RGS7: variants seen among roughly 807,000 people sequenced by gnomAD.
The protein encoded by RGS7 is regulator of G-protein signaling 7.
RGS7 carries 27 observed loss-of-function variants against 81.1 expected under a neutral mutation model. The ratio of observed to expected loss-of-function variants is 0.33; its 90% CI spans 0.25 to 0.46. RGS7 has a LOEUF of 0.46. RGS7 is among the 20% of genes least tolerant of loss of function. The probability of loss-of-function intolerance (pLI) is 1.00; values close to 1 mark genes in which losing one functional copy is unlikely to be tolerated. For missense variants in RGS7, 396 were observed against 607.4 expected (o/e 0.65, Z 3.66); for synonymous variants, 208 against 207.7 (o/e 1.00, Z -0.01).
At chr1:240,935,689 CT>C (rs1247432966) in intron 5 of RGS7, among the ~76,000 whole-genome samples, 1 of 152,190 alleles carries the variant, frequency 6.6e-6, no homozygotes, top group Non-Finnish European at 1.5e-5. Flanking sequence ...CATATTTCCT[CT>C]TTGTTCTCAG....
intron 2 of RGS7, among the ~76,000 whole-genome samples, chr1:241,198,199 G>A (rs2073226254): frequency 6.6e-6 from 1 of 151,938 alleles, no homozygotes; most frequent in African/African-American, 2.4e-5. Context: ...TAAGGTTCAG[G>A]TAAAGTCATG....
intron 6 of RGS7, among the ~76,000 whole-genome samples, chr1:240,910,215 T>C (rs1671525469): frequency 6.6e-6 from 1 of 152,230 alleles, no homozygotes; most frequent in Admixed American, 6.5e-5. Context: ...GTCTTGGAGC[T>C]GTCAGGTGTG....
chr1:240,968,179 A>G (rs1370185083), intron 4 of RGS7, among the ~76,000 whole-genome samples: 1 of 152,210 alleles, frequency 6.6e-6, no homozygotes. Flanking sequence ...ACCCGTGTTC[A>G]TGGATGAACC....
At chr1:241,071,439 T>C (rs532680787) in intron 3 of RGS7, among the ~76,000 whole-genome samples, 7 of 151,364 alleles carry the variant, frequency 4.6e-5, no homozygotes, top group Non-Finnish European at 1.0e-4. Context: ...TTAGAGAACA[T>C]GTATGAGTTC....
intron 3 of RGS7, among the ~76,000 whole-genome samples, chr1:241,013,157 G>A (rs2059053097): frequency 1.4e-5 from 2 of 147,538 alleles, no homozygotes; most frequent in African/African-American, 5.0e-5. Context: ...CCACCTCCCG[G>A]GTTCAAGCGA....
intron 2 of RGS7, among the ~76,000 whole-genome samples, chr1:241,138,827 A>T (rs1288738141): frequency 3.3e-5 from 5 of 152,110 alleles, no homozygotes; most frequent in Middle Eastern, 3.4e-3. Context: ...TGCTTTTTTT[A>T]AAAAATATAA....
In RGS7 at chr1:241,000,468, T is replaced by G. The variant is rs1687961251; in HGVS notation, c.176-17339A>C. Among the ~76,000 whole-genome samples the G allele has an allele frequency of 1.3e-5, 2 of 152,278 alleles. 1 individual carries two copies. Among genetic ancestry groups the G allele is most frequent in the Middle Eastern group, 6.8e-3 (2 of 294 alleles). ...CTTAATAGGTATAAAACTCAAAACATCTGAAAACAAAGAAGGAAATATTTT... is the reference window on the plus strand; with the variant it reads ...CTTAATAGGTATAAAACTCAAAACAGCTGAAAACAAAGAAGGAAATATTTT... On this transcript the variant is annotated intron_variant, in intron 3 of 18. Transcript: ENST00000440928.
intron 3 of RGS7, among the ~76,000 whole-genome samples, chr1:241,098,223 C>T (rs1202292015): frequency 1.3e-5 from 2 of 152,208 alleles, no homozygotes; most frequent in Non-Finnish European, 2.9e-5. Context: ...GTTCGGTGAG[C>T]ACAGTTGGTG....
chr1:241,136,551 G>A (rs181025744), intron 2 of RGS7, among the ~76,000 whole-genome samples: 8 of 152,238 alleles, frequency 5.3e-5, no homozygotes, highest in African/African-American at 9.6e-5. Context: ...GTGGCACTGC[G>A]CACCGATCTT....
intron 2 of RGS7, among the ~76,000 whole-genome samples, chr1:241,294,420 C>T (rs905142631): frequency 2.6e-5 from 4 of 151,556 alleles, no homozygotes; most frequent in African/African-American, 9.7e-5. Flanking sequence ...CACATGTATC[C>T]CAGAACTTAA....
intron 2 of RGS7, among the ~76,000 whole-genome samples, chr1:241,288,529 G>A (rs1022164947): frequency 3.3e-5 from 5 of 152,034 alleles, no homozygotes; most frequent in African/African-American, 9.7e-5. Flanking sequence ...GCTGAAGTAC[G>A]GGGCGCTGTT....
In RGS7 at chr1:241,183,299, C is replaced by A. The variant is rs12030218; in HGVS notation, c.79-84537G>T. 8.0e-3 allele frequency among the ~76,000 whole-genome samples: 1,218 copies of A among 152,320 alleles called. 90 individuals carry two copies. In the East Asian group the frequency reaches 0.19, roughly 23 times the overall value. ...GATTGCAGTATGATTTGGTTGCGTG[C>A]CTATCTATGGCACTCAATTCCCACT... On this transcript the variant is annotated intron_variant, in intron 2 of 18. Transcript: ENST00000440928.
chr1:241,204,528 TTC>T (rs1470075641), intron 2 of RGS7, among the ~76,000 whole-genome samples: 1 of 152,194 alleles, frequency 6.6e-6, no homozygotes, highest in African/African-American at 2.4e-5. Context: ...TCTTTTTCCT[TTC>T]TCTCTGAAAA....
At chr1:241,115,580 T>C (rs1171846733) in intron 2 of RGS7, among the ~76,000 whole-genome samples, 1 of 152,184 alleles carries the variant, frequency 6.6e-6, no homozygotes, top group Non-Finnish European at 1.5e-5. Context: ...ATTTGTAACA[T>C]AACGTGGGGC....
chr1:241,212,797 C>T (rs369921720), intron 2 of RGS7, among the ~76,000 whole-genome samples: 5 of 152,272 alleles, frequency 3.3e-5, no homozygotes, highest in South Asian at 2.1e-4. Flanking sequence ...GTAGGGCTTC[C>T]GCGTTGTTGT....
At chr1:241,285,899 G>T (rs1035534857) in intron 2 of RGS7, among the ~76,000 whole-genome samples, 10 of 152,082 alleles carry the variant, frequency 6.6e-5, no homozygotes, top group African/African-American at 2.2e-4. Flanking sequence ...AAGGTGCAGG[G>T]TTATAAGCAT....
intron 6 of RGS7, among the ~76,000 whole-genome samples, chr1:240,893,017 T>A (rs1247825564): frequency 1.3e-5 from 2 of 152,074 alleles, no homozygotes; most frequent in Non-Finnish European, 2.9e-5. Flanking sequence ...AATACATCTT[T>A]TTGAATATCT....
chr1:241,183,761 G>T (rs1002951519), intron 2 of RGS7, among the ~76,000 whole-genome samples: 1 of 152,204 alleles, frequency 6.6e-6, no homozygotes, highest in African/African-American at 2.4e-5. Flanking sequence ...GTAAAACAGT[G>T]GAATGCACTG....
intron 2 of RGS7, among the ~76,000 whole-genome samples, chr1:241,301,995 G>A (rs751136438): frequency 1.2e-4 from 19 of 152,240 alleles, no homozygotes; most frequent in Non-Finnish European, 2.2e-4. Context: ...TCAGCACTGT[G>A]GATCAGGAGT....
Sources: allele counts gnomAD v4.1 joint callset (sites outside exome capture counted in the v4.1 genomes callset), GRCh38; gene constraint gnomAD v4.1.1; transcripts MANE v1.5; gene names NCBI Gene and HGNC (gene_info 2026-07-23, HGNC 2026-07-21).